Variants in RBBP5 observed in about 807,000 individuals in gnomAD.
The protein encoded by RBBP5 is retinoblastoma-binding protein 5.
A neutral mutation model predicts 72.2 loss-of-function variants in RBBP5; 5 were observed. The observed-to-expected ratio is 0.07, with a 90% CI of 0.04 to 0.15. RBBP5 has a LOEUF of 0.15. Among genes scored for constraint, RBBP5 ranks in the 10% least tolerant of loss-of-function variants. The probability of loss-of-function intolerance (pLI) is 1.00; values close to 1 mark genes in which losing one functional copy is unlikely to be tolerated. For missense variants in RBBP5, 322 were observed against 652.2 expected (o/e 0.49, Z 5.51); for synonymous variants, 209 against 237.2 (o/e 0.88, Z 1.09).
intron 1 of RBBP5, 25 bp downstream of exon 1, chr1:205,121,829 TA>T: frequency 6.2e-7 from 1 of 1,612,352 alleles, no homozygotes; most frequent in Non-Finnish European, 8.5e-7. Flanking sequence ...AACGCTTCTC[TA>T]AAACGCAGCC....
chr1:205,103,223 C>CCAAA (rs1655916027), intron 5 of RBBP5, among the ~76,000 whole-genome samples: 1 of 91,402 alleles, frequency 1.1e-5, no homozygotes, highest in African/African-American at 4.3e-5. Context: ...GACTCCATCT[C>CCAAA]AAAAAAAAAA....
chr1:205,117,337 A>T (rs1017764615), intron 1 of RBBP5, among the ~76,000 whole-genome samples: 1 of 151,806 alleles, frequency 6.6e-6, no homozygotes, highest in Non-Finnish European at 1.5e-5. Flanking sequence ...TACAGGCATG[A>T]GCCACCACGC....
At position 205,095,155 on chromosome 1, in the gene RBBP5, T is replaced by C; in HGVS notation, c.1397-91A>G. The C allele has an allele frequency of 2.5e-6, 3 of 1,198,498 alleles. No individual in the cohort carries two copies. The Admixed American group carries it at 6.6e-5, about 26-fold the overall frequency. The allele number at this position is 1,198,498 out of a possible 1,614,324, so 74.2% of individuals were successfully genotyped here. ...TTGTTGAGCAAAGAATGTTGCTTTG[T>C]GTCCCAGATCAATTAATAATTATAA... On this transcript the variant is annotated intron_variant, in intron 12 of 13. Transcript: ENST00000264515.
At chr1:205,089,015 C>G (rs991021467) in intron 13 of RBBP5, among the ~76,000 whole-genome samples, 200 bp from the exon 14 acceptor site, 1 of 152,156 alleles carries the variant, frequency 6.6e-6, no homozygotes, top group African/African-American at 2.4e-5. Flanking sequence ...CCAAACCCCC[C>G]ACCCCAATAC....
In RBBP5 at chr1:205,097,406, G is replaced by A. The variant is rs1483403570; in HGVS notation, c.1097-11C>T. ...CTGCAGCATCAGCCCCTGCAGGACA[G>A]AAACACAGGAGATGTTTGAGAAGAA... On this transcript the variant is annotated splice_polypyrimidine_tract_variant and intron_variant, in intron 10 of 13. Coordinates refer to ENST00000264515, the MANE Select transcript of RBBP5 (RefSeq NM_005057.4). 39 of 1,551,864 alleles carry A rather than the reference G, an allele frequency of 2.5e-5. No individual in the cohort carries two copies. Among genetic ancestry groups the A allele is most frequent in the Non-Finnish European group, 3.1e-5 (36 of 1,146,990 alleles).
intron 13 of RBBP5, among the ~76,000 whole-genome samples, chr1:205,089,553 G>A (rs1262467228): frequency 2.6e-5 from 4 of 152,166 alleles, no homozygotes; most frequent in Non-Finnish European, 4.4e-5. Context: ...CCACTTGAAG[G>A]TATAATGGTT....
chr1:205,099,188 G>A lies in RBBP5; in HGVS notation c.979-82C>T. On this transcript the variant is annotated intron_variant, in intron 9 of 13. Transcript: ENST00000264515. This position sits in a 1 kb window ranked among gnomAD's most constrained non-coding sequence, Gnocchi z 4.7. ...ACATTAATGATAAAATGAAAGATGT[G>A]AGCATGAAAGGAATTCACAATTCTT... 1.2e-6 allele frequency: 1 copy of A among 846,750 alleles called. No individual in the cohort carries two copies. 52.5% of individuals were successfully genotyped at this position (846,750 alleles called of 1,614,324 possible). A position where few individuals can be genotyped will look rare whatever the true frequency, so the allele number is the denominator to read the frequency against.
Position 205,088,725 on chromosome 1 carries a change from A to C in RBBP5, c.*62T>G, listed in dbSNP as rs907930355. The C allele has an allele frequency of 2.7e-6, 4 of 1,504,406 alleles. No homozygotes were observed. The highest frequency in any genetic ancestry group is 3.7e-6 in the Non-Finnish European group (4 of 1,094,100). 93.2% of individuals were successfully genotyped at this position (1,504,406 alleles called of 1,614,324 possible). On this transcript the variant is annotated 3_prime_UTR_variant, in exon 14 of 14. Transcript: ENST00000264515. Reference sequence around the variant, plus strand: ...ATTAAAGTCAATTTTCAAATGACTGACCACAGTGTCCAGAGGCCACATGAT... The same window carrying C: ...ATTAAAGTCAATTTTCAAATGACTGCCCACAGTGTCCAGAGGCCACATGAT...
At chr1:205,121,060 C>T (rs1656718443) in intron 1 of RBBP5, among the ~76,000 whole-genome samples, 1 of 152,286 alleles carries the variant, frequency 6.6e-6, no homozygotes, top group East Asian at 1.9e-4. Flanking sequence ...AACATATCTT[C>T]TGACTTTTTT....
rs753111270 is a variant in RBBP5, at chr1:205,114,979, T to C, written c.46-18A>G. On this transcript the variant is annotated intron_variant, in intron 2 of 13. Transcript: ENST00000264515. ...TCAGCTTCCTAAAAATTGAAACAAATACAAGAATAGAGGCAACAATAGCCA... is the reference window on the plus strand; with the variant it reads ...TCAGCTTCCTAAAAATTGAAACAAACACAAGAATAGAGGCAACAATAGCCA... 4.4e-6 allele frequency: 7 copies of C among 1,573,370 alleles called. No individual in the cohort carries two copies. The highest frequency in any genetic ancestry group is 3.5e-5 in the South Asian group (3 of 85,894).
At chr1:205,107,056 ATGTG>A (rs572047026) in intron 3 of RBBP5, among the ~76,000 whole-genome samples, 17 of 149,950 alleles carry the variant, frequency 1.1e-4, no homozygotes, top group Admixed American at 2.7e-4. Flanking sequence ...GTGTATATGT[ATGTG>A]TGTGTGTGTG....
intron 3 of RBBP5, among the ~76,000 whole-genome samples, chr1:205,110,500 T>G (rs1656270886): frequency 6.6e-6 from 1 of 152,220 alleles, no homozygotes; most frequent in Admixed American, 6.5e-5. Context: ...TGTGCAATAC[T>G]CTATAGACAC....
intron 3 of RBBP5, among the ~76,000 whole-genome samples, chr1:205,107,073 TAC>T (rs1187944769): frequency 8.0e-6 from 1 of 125,726 alleles, no homozygotes; most frequent in African/African-American, 2.9e-5. Context: ...TGTGTGTGTA[TAC>T]ATATATATAT....
At chr1:205,111,852 G>C (rs955109146) in intron 3 of RBBP5, among the ~76,000 whole-genome samples, 6 of 152,114 alleles carry the variant, frequency 3.9e-5, no homozygotes, top group Non-Finnish European at 7.4e-5. Context: ...TGAGGACCTT[G>C]GTTTACCTTG....
In RBBP5 at chr1:205,094,999, T is replaced by C; in HGVS notation, c.1462A>G (p.Lys488Glu). ...TCTTTCTCTTTACCTTTTGATCCTT[T>C]AGGCCGGCCTGCTTGCTTCTTCTTG... ...KSKKKQAGRP[K>E]GSKGKEKDSP... The change falls in exon 13 of 14, where the codon AAA (lysine) becomes GAA (glutamate). Residue 488 changes from lysine (K) to glutamate (E), a missense_variant. Coordinates refer to ENST00000264515, the MANE Select transcript of RBBP5 (RefSeq NM_005057.4). The C allele has an allele frequency of 6.2e-7, 1 of 1,614,120 alleles. No individual in the cohort carries two copies. The highest frequency in any genetic ancestry group is 8.5e-7 in the Non-Finnish European group (1 of 1,180,018).
rs189474659 is a variant in RBBP5, at chr1:205,107,083, T to C, written c.219-1915A>G. Among the ~76,000 whole-genome samples the C allele has an allele frequency of 3.1e-3, 420 of 133,610 alleles. 3 individuals are homozygous for C. The highest frequency in any genetic ancestry group is 0.01 in the African/African-American group (400 of 39,022). The allele number at this position is 133,610 out of a possible 152,430, so 87.7% of individuals were successfully genotyped here. ...GTGTGTGTGTGTGTATACATATATA[T>C]ATATACACACACACACACATATGTA... On this transcript the variant is annotated intron_variant, in intron 3 of 13. Transcript: ENST00000264515.
At chr1:205,108,672 G>T (rs547997479) in intron 3 of RBBP5, among the ~76,000 whole-genome samples, 1 of 152,244 alleles carries the variant, frequency 6.6e-6, no homozygotes, top group South Asian at 2.1e-4. Context: ...AAATCAAGAG[G>T]AGGTGCTATT....
intron 10 of RBBP5, among the ~76,000 whole-genome samples, chr1:205,098,552 G>C (rs1233843768): frequency 6.6e-6 from 1 of 152,068 alleles, no homozygotes; most frequent in East Asian, 1.9e-4. Context: ...GCCAGGCACA[G>C]TGGTTCATAG....
At position 205,113,257 on chromosome 1, in the gene RBBP5, AAC is replaced by A. The variant is rs549000543; in HGVS notation, c.218+1530_218+1531del. 3.6e-4 allele frequency among the ~76,000 whole-genome samples: 55 copies of A among 152,158 alleles called. 3 individuals carry two copies. In the East Asian group the frequency reaches 0.01, roughly 29 times the overall value. On this transcript the variant is annotated intron_variant, in intron 3 of 13. Transcript: ENST00000264515. ...TAAGTATATATTAGTATATAATAAA[AAC>A]ACACATATTTTTAATAGGTAAGAGT...
Sources: allele counts gnomAD v4.1 joint callset (sites outside exome capture counted in the v4.1 genomes callset), GRCh38; gene constraint gnomAD v4.1.1; non-coding constraint Gnocchi (gnomAD v3.1); transcripts MANE v1.5; gene names NCBI Gene and HGNC (gene_info 2026-07-23, HGNC 2026-07-21).